The following AIM2 variants were observed in gnomAD, a reference collection of about 807,000 sequenced individuals.
AIM2 encodes absent in melanoma 2.
In AIM2, 30 loss-of-function variants were observed where a neutral mutation model predicts 27.7. The ratio of observed to expected loss-of-function variants is 1.08; its 90% confidence interval spans 0.81 to 1.47. AIM2 has a LOEUF of 1.47. Among genes scored for constraint, AIM2 ranks in the 40% most tolerant of loss-of-function variants. The pLI is 0.00. For synonymous variants in AIM2, 141 were observed against 145.3 expected (o/e 0.97, Z 0.21); for missense variants, 358 against 411.3 (o/e 0.87, Z 1.12).
intron 1 of AIM2, among the ~76,000 whole-genome samples, chr1:159,086,645 C>T (rs1656919060): frequency 6.6e-6 from 1 of 152,200 alleles, no homozygotes; most frequent in Non-Finnish European, 1.5e-5. Flanking sequence ...ATCTCCAGGA[C>T]TTTCCATCAC....
chr1:159,140,991 T>C (rs1471538953), upstream of AIM2, among the ~76,000 whole-genome samples: 1 of 152,150 alleles, frequency 6.6e-6, no homozygotes, highest in Non-Finnish European at 1.5e-5. Flanking sequence ...TGGTAATTAG[T>C]GTGTTGCTCT....
intron 1 of AIM2, among the ~76,000 whole-genome samples, chr1:159,111,794 C>CAAAAA (rs1296847078): frequency 1.7e-5 from 2 of 114,918 alleles, no homozygotes; most frequent in African/African-American, 8.1e-5. Flanking sequence ...CCCGTCTCTA[C>CAAAAA]AAAAAAAAAA....
chr1:159,146,582 T>A (rs1557919267), intron 1 of AIM2, among the ~76,000 whole-genome samples: 1 of 152,170 alleles, frequency 6.6e-6, no homozygotes, highest in Non-Finnish European at 1.5e-5. Flanking sequence ...CCCTAATACT[T>A]TACTGTGTAA....
intron 1 of AIM2, among the ~76,000 whole-genome samples, chr1:159,101,326 G>C (rs1160859800): frequency 1.3e-5 from 2 of 152,140 alleles, no homozygotes; most frequent in African/African-American, 4.8e-5. Flanking sequence ...GGTGCCTTCT[G>C]CCTAGATTGT....
chr1:159,118,810 A>G (rs2814782), intron 1 of AIM2, among the ~76,000 whole-genome samples: 149,484 of 152,246 alleles, frequency 0.98, 73,436 homozygotes, highest in Middle Eastern at 1. Context: ...AACACAATAC[A>G]GTTGTCATTT....
chr1:159,099,146 A>C (rs551257240), intron 1 of AIM2, among the ~76,000 whole-genome samples: 1 of 152,280 alleles, frequency 6.6e-6, no homozygotes, highest in African/African-American at 2.4e-5. Flanking sequence ...AGGACCATGA[A>C]ATCCAACTTT....
chr1:159,133,088 T>C (rs975830101), intron 1 of AIM2, among the ~76,000 whole-genome samples: 17 of 152,344 alleles, frequency 1.1e-4, no homozygotes, highest in Admixed American at 5.9e-4. Context: ...GCCCTCCAGC[T>C]ACCCACTGCT....
intron 1 of AIM2, among the ~76,000 whole-genome samples, chr1:159,113,291 T>C (rs182931694): frequency 5.3e-5 from 8 of 152,294 alleles, no homozygotes; most frequent in Non-Finnish European, 1.0e-4. Flanking sequence ...ATTGTTATCT[T>C]TTATTTAGGA....
At chr1:159,062,436 C>T (rs1041962449), downstream of AIM2, 29 of 531,670 alleles carry the variant, frequency 5.5e-5, no homozygotes, top group African/African-American at 2.5e-4. Flanking sequence ...AAAGTATTTT[C>T]GCTTGAGACA....
At chr1:159,140,707 T>C (rs1648095458), upstream of AIM2, among the ~76,000 whole-genome samples, 3 of 152,042 alleles carry the variant, frequency 2.0e-5, no homozygotes, top group Non-Finnish European at 2.9e-5. Context: ...CAGCCCAAAA[T>C]AGAAATCCAA....
chr1:159,141,885 T>A (rs550408127), upstream of AIM2, among the ~76,000 whole-genome samples: 1 of 152,324 alleles, frequency 6.6e-6, no homozygotes, highest in South Asian at 2.1e-4. Flanking sequence ...ATTGGGGGAA[T>A]GTGACAGCAG....
At chr1:159,104,936 C>T (rs927559721) in intron 1 of AIM2, among the ~76,000 whole-genome samples, 1 of 152,174 alleles carries the variant, frequency 6.6e-6, no homozygotes, top group Non-Finnish European at 1.5e-5. Context: ...ATATGTGTCA[C>T]AGGATGTTTC....
chr1:159,089,135 A>G (rs993887859), intron 1 of AIM2, among the ~76,000 whole-genome samples: 1 of 152,254 alleles, frequency 6.6e-6, no homozygotes, highest in Non-Finnish European at 1.5e-5. Flanking sequence ...ATGGAAAAAG[A>G]GACCATTTCT....
intron 1 of AIM2, among the ~76,000 whole-genome samples, chr1:159,092,798 C>A (rs1315681867): frequency 1.3e-5 from 2 of 151,944 alleles, no homozygotes; most frequent in East Asian, 1.9e-4. Flanking sequence ...CCTAGGTGGG[C>A]GGATCAATTG....
At chr1:159,129,134 C>T (rs906947203) in intron 1 of AIM2, among the ~76,000 whole-genome samples, 1 of 152,114 alleles carries the variant, frequency 6.6e-6, no homozygotes, top group Non-Finnish European at 1.5e-5. Flanking sequence ...GGCATCCTTA[C>T]AGAGAAATGC....
upstream of AIM2, among the ~76,000 whole-genome samples, chr1:159,144,973 G>C (rs1187992968): frequency 6.6e-6 from 1 of 152,062 alleles, no homozygotes; most frequent in Non-Finnish European, 1.5e-5. Flanking sequence ...TCATCTCCCA[G>C]GCCCTATGAT....
intron 2 of AIM2, among the ~76,000 whole-genome samples, chr1:159,071,331 G>T (rs1025953437): frequency 2.0e-5 from 3 of 152,170 alleles, no homozygotes; most frequent in Non-Finnish European, 4.4e-5. Context: ...AAGAATGACA[G>T]ATTAACTGTT....
At chr1:159,090,221 C>A (rs1026847729) in intron 1 of AIM2, among the ~76,000 whole-genome samples, 1 of 152,220 alleles carries the variant, frequency 6.6e-6, no homozygotes, top group Non-Finnish European at 1.5e-5. Flanking sequence ...CTCTAATAAA[C>A]TTCTTGCAGG....
chr1:159,127,272 GTA>G (rs529483542), intron 1 of AIM2, among the ~76,000 whole-genome samples: 208 of 152,272 alleles, frequency 1.4e-3, no homozygotes, highest in African/African-American at 4.9e-3. Context: ...ATACCCTAGG[GTA>G]TGTATAATTT....
Sources: allele counts gnomAD v4.1 joint callset (sites outside exome capture counted in the v4.1 genomes callset), GRCh38; gene constraint gnomAD v4.1.1; transcripts MANE v1.5; gene names NCBI Gene and HGNC (gene_info 2026-07-23, HGNC 2026-07-21).